Variants in KIAA0930 observed in about 807,000 individuals in gnomAD.
KIAA0930 encodes the protein KIAA0930.
KIAA0930 carries 24 observed loss-of-function variants against 43.9 expected under a neutral mutation model. That is an observed-to-expected ratio of 0.55 (90% CI 0.40 to 0.77). KIAA0930 has a LOEUF of 0.77. Ranked by LOEUF, KIAA0930 falls within the 30% of genes least tolerant of loss-of-function variation. The pLI is 0.00. For synonymous variants in KIAA0930, 259 were observed against 216.4 expected, an observed-to-expected ratio of 1.20 and a Z score of -1.73; for missense variants, 461 against 574.2, an observed-to-expected ratio of 0.80 and a Z score of 2.02.
Position 45,203,960 on chromosome 22 carries a change from T to C in KIAA0930, c.542A>G (p.Glu181Gly), listed in dbSNP as rs771471992. Residue 181 changes from glutamate to glycine, a missense_variant, in exon 6 of 10, where the codon GAA (glutamate) becomes GGA (glycine). Glu to Gly is a moderately conservative substitution (Grantham distance 98, BLOSUM62 -2). Coordinates refer to ENST00000336156, the MANE Select transcript of KIAA0930 (RefSeq NM_001009880.2). ...EEVFSDMTVG[E>G]GEMVCVELVA... is the part of the protein sequence containing the mutation. ...CAGCTCCACACAGACCATCTCTCCT[T>C]CCCCTACGGTCATGTCGCTGAACAC... is the stretch of plus-strand genomic sequence containing the variant. The C allele has an allele frequency of 7.2e-5, 116 of 1,613,828 alleles. No individual in the cohort carries two copies. The highest frequency in any genetic ancestry group is 9.7e-5 in the Non-Finnish European group (114 of 1,179,942).
chr22:45,212,611 C>T (rs1243502515), intron 1 of KIAA0930: 97 of 1,333,610 alleles, frequency 7.3e-5, no homozygotes, highest in Non-Finnish European at 8.7e-5. Context: ...AGGCTGCAAG[C>T]GGGAACCGCA....
At chr22:45,207,279 G>A (rs745725005) in intron 2 of KIAA0930, among the ~76,000 whole-genome samples, 2 of 150,826 alleles carry the variant, frequency 1.3e-5, no homozygotes, top group Non-Finnish European at 2.9e-5. Context: ...CCAAAGTGCA[G>A]GGATTACAGG....
chr22:45,219,404 A>C (rs887053125), intron 1 of KIAA0930, among the ~76,000 whole-genome samples: 9 of 152,060 alleles, frequency 5.9e-5, no homozygotes, highest in Non-Finnish European at 1.3e-4. Flanking sequence ...CTTGAAACCC[A>C]CCCCAATCCT....
intron 1 of KIAA0930, chr22:45,235,383 C>A (rs2083881345): frequency 6.6e-6 from 1 of 152,266 alleles, no homozygotes; most frequent in Non-Finnish European, 1.5e-5. Context: ...AGGAGAGGGC[C>A]TCCTGGGCTG....
intron 2 of KIAA0930, 26 bp downstream of exon 2, chr22:45,211,930 A>C (rs1205390954): frequency 6.2e-7 from 1 of 1,602,998 alleles, no homozygotes; most frequent in Admixed American, 1.7e-5. Flanking sequence ...GCACAGACGC[A>C]GGGGCAGGGG....
intron 7 of KIAA0930, among the ~76,000 whole-genome samples, chr22:45,202,058 G>A (rs1300735290): frequency 1.3e-5 from 2 of 152,240 alleles, no homozygotes; most frequent in Non-Finnish European, 2.9e-5. Context: ...GCTTGGAGAG[G>A]AAAAGAGACA....
At chr22:45,208,405 C>CCA in intron 2 of KIAA0930, among the ~76,000 whole-genome samples, 1 of 148,844 alleles carries the variant, frequency 6.7e-6, no homozygotes, top group Non-Finnish European at 1.5e-5. Context: ...CCCGCCAACT[C>CCA]CACACACACG....
At chr22:45,216,392 C>A (rs1484719364) in intron 1 of KIAA0930, among the ~76,000 whole-genome samples, 2 of 152,200 alleles carry the variant, frequency 1.3e-5, no homozygotes, top group African/African-American at 4.8e-5. Context: ...GCTCCAGCTG[C>A]TGCAATGTGG....
At chr22:45,233,842 G>C (rs2083869514) in intron 1 of KIAA0930, among the ~76,000 whole-genome samples, 1 of 152,194 alleles carries the variant, frequency 6.6e-6, no homozygotes, top group African/African-American at 2.4e-5. Context: ...TATGATATTA[G>C]ATGACGTATT....
At chr22:45,212,593 G>A (rs1315911771) in intron 1 of KIAA0930, 3 of 1,365,988 alleles carry the variant, frequency 2.2e-6, no homozygotes, top group South Asian at 1.9e-5. Flanking sequence ...CCGCCCTCCA[G>A]CCAGCCAAGG....
intron 1 of KIAA0930, among the ~76,000 whole-genome samples, chr22:45,217,318 G>T (rs1438097183): frequency 6.6e-5 from 8 of 120,552 alleles, no homozygotes; most frequent in South Asian, 2.8e-4. Context: ...CTAAAATCAC[G>T]CCACTGCACT....
intron 2 of KIAA0930, among the ~76,000 whole-genome samples, chr22:45,209,490 C>T (rs1376852096): frequency 6.6e-6 from 1 of 152,208 alleles, no homozygotes; most frequent in Non-Finnish European, 1.5e-5. Flanking sequence ...CCATGTGGCA[C>T]TCGTCACACA....
intron 6 of KIAA0930, 148 bp downstream of exon 6, chr22:45,203,697 A>G: frequency 3.7e-6 from 3 of 821,154 alleles, no homozygotes; most frequent in Non-Finnish European, 5.6e-6. Flanking sequence ...GGGAGCGCCT[A>G]GAAGGAGCCC....
intron 1 of KIAA0930, chr22:45,212,449 G>C: frequency 6.8e-7 from 1 of 1,471,136 alleles, no homozygotes; most frequent in Non-Finnish European, 9.0e-7. Context: ...GCTGGCTGGT[G>C]TCTGGGCTGG....
chr22:45,200,842 C>T (rs1204269218), intron 7 of KIAA0930: 1 of 468,534 alleles, frequency 2.1e-6, no homozygotes, highest in African/African-American at 2.0e-5. Context: ...AAGAGAAGCA[C>T]AGGATACATG....
At chr22:45,219,402 C>G (rs1333405697) in intron 1 of KIAA0930, among the ~76,000 whole-genome samples, 1 of 152,076 alleles carries the variant, frequency 6.6e-6, no homozygotes. Context: ...TCCTTGAAAC[C>G]CACCCCAATC....
At chr22:45,214,767 G>T (rs1351075030) in intron 1 of KIAA0930, among the ~76,000 whole-genome samples, 3 of 152,098 alleles carry the variant, frequency 2.0e-5, no homozygotes, top group Admixed American at 1.3e-4. Context: ...AAATTAGCTG[G>T]GCATGATGGC....
At chr22:45,231,977 C>A (rs374601709) in intron 1 of KIAA0930, among the ~76,000 whole-genome samples, 2 of 152,208 alleles carry the variant, frequency 1.3e-5, no homozygotes, top group African/African-American at 4.8e-5. Context: ...GGTGACAGAG[C>A]GAGACTCCCT....
At chr22:45,218,333 ATTTTTTTTTTTTTT>A (rs752298111) in intron 1 of KIAA0930, among the ~76,000 whole-genome samples, 10 of 51,706 alleles carry the variant, frequency 1.9e-4, no homozygotes, top group East Asian at 1.4e-3. Flanking sequence ...AATTTTTTTG[ATTTTTTTTTTTTTT>A]TTTTTTTTTT....
Sources: allele counts gnomAD v4.1 joint callset (sites outside exome capture counted in the v4.1 genomes callset), GRCh38; gene constraint gnomAD v4.1.1; transcripts MANE v1.5; gene names NCBI Gene and HGNC (gene_info 2026-07-23, HGNC 2026-07-21).